The following SPATA7 variants were observed in gnomAD, a reference collection of about 807,000 sequenced individuals.
SPATA7 encodes spermatogenesis associated 7.
Under a neutral mutation model 51.8 loss-of-function variants are expected in SPATA7, and 43 were observed. The observed-to-expected ratio is 0.83, with a 90% CI of 0.65 to 1.07. The LOEUF is 1.07. Ranked by LOEUF, SPATA7 falls within the 50% of genes least tolerant of loss-of-function variation. The probability of loss-of-function intolerance (pLI) is 0.00; values close to 1 mark genes in which losing one functional copy is unlikely to be tolerated. For missense variants in SPATA7, 683 were observed against 701.3 expected (o/e 0.97, Z 0.30); for synonymous variants, 230 against 252.8 (o/e 0.91, Z 0.86).
At chr14:88,454,317 G>A (rs142050273) in intron 3 of SPATA7, among the ~76,000 whole-genome samples, 221 of 152,124 alleles carry the variant, frequency 1.5e-3, no homozygotes, top group African/African-American at 5.1e-3. Flanking sequence ...CTTTACTAAA[G>A]ACCCTGGTGA....
intron 4 of SPATA7, among the ~76,000 whole-genome samples, chr14:88,397,078 C>G (rs1169068549): frequency 6.6e-6 from 1 of 151,996 alleles, no homozygotes; most frequent in Non-Finnish European, 1.5e-5. Context: ...TACATAGAGA[C>G]AGGGTTTTAC....
At chr14:88,462,308 G>A (rs2077322824) in intron 4 of SPATA7, among the ~76,000 whole-genome samples, 1 of 152,132 alleles carries the variant, frequency 6.6e-6, no homozygotes, top group Non-Finnish European at 1.5e-5. Flanking sequence ...CAGCTGATGA[G>A]CAGACAGAAA....
At chr14:88,454,989 C>A (rs1303281266) in intron 3 of SPATA7, 3 of 438,112 alleles carry the variant, frequency 6.8e-6, no homozygotes, top group Non-Finnish European at 1.4e-5. Context: ...ATTTCTGGGC[C>A]CCATCCCCAT....
At chr14:88,398,789 A>G (rs2075972343) in intron 4 of SPATA7, among the ~76,000 whole-genome samples, 1 of 152,176 alleles carries the variant, frequency 6.6e-6, no homozygotes, top group Non-Finnish European at 1.5e-5. Flanking sequence ...GCAGTGGCTC[A>G]TGCCTGTAAT....
intron 3 of SPATA7, 37 bp from the exon 4 acceptor site, chr14:88,396,119 C>T (rs563947621): frequency 1.3e-6 from 2 of 1,524,528 alleles, no homozygotes; most frequent in African/African-American, 1.4e-5. Context: ...TTTATAAATA[C>T]TGACAATATT....
chr14:88,404,746 T>TA (rs1262111710), intron 4 of SPATA7, among the ~76,000 whole-genome samples: 2 of 152,130 alleles, frequency 1.3e-5, no homozygotes, highest in Non-Finnish European at 2.9e-5. Flanking sequence ...ATCACAAATT[T>TA]AAAATGGTCA....
chr14:88,411,856 G>A (rs777728350), intron 4 of SPATA7, among the ~76,000 whole-genome samples: 2 of 152,086 alleles, frequency 1.3e-5, no homozygotes, highest in Admixed American at 1.3e-4. Flanking sequence ...TTTTTGGGGG[G>A]GGTTTATACA....
chr14:88,470,340 G>T, exon 5 of SPATA7: 1 of 380,930 alleles, frequency 2.6e-6, no homozygotes, highest in Non-Finnish European at 4.8e-6. Context: ...TAAAGATACT[G>T]CCTACCGTCA....
At chr14:88,393,295 G>T in intron 2 of SPATA7, 98 bp from the exon 3 acceptor site, 1 of 861,310 alleles carries the variant, frequency 1.2e-6, no homozygotes, top group South Asian at 1.6e-5. Flanking sequence ...TTGAATTTCA[G>T]AACATTTTAT....
At chr14:88,401,836 C>CAAAAA (rs57942112) in intron 4 of SPATA7, among the ~76,000 whole-genome samples, 1 of 33,220 alleles carries the variant, frequency 3.0e-5, no homozygotes, top group Non-Finnish European at 5.8e-5. Flanking sequence ...GACCCTGTCT[C>CAAAAA]AAAAAAAAAA....
chr14:88,419,801 C>A (rs1294453625), intron 5 of SPATA7, among the ~76,000 whole-genome samples: 1 of 151,816 alleles, frequency 6.6e-6, no homozygotes, highest in East Asian at 1.9e-4. Context: ...CTGTGATAAT[C>A]ATTGTCTTTT....
chr14:88,403,321 A>G (rs907459275), intron 4 of SPATA7, among the ~76,000 whole-genome samples: 1 of 152,234 alleles, frequency 6.6e-6, no homozygotes, highest in Non-Finnish European at 1.5e-5. Flanking sequence ...ACTTCTGAAT[A>G]TATATCCAAA....
Position 88,469,875 on chromosome 14 carries a change from T to A in SPATA7, c.*8T>A. 6.2e-7 allele frequency: 1 copy of A among 1,612,172 alleles called. No individual in the cohort carries two copies. On this transcript the variant is annotated 3_prime_UTR_variant, in exon 5 of 5. Coordinates refer to the SPATA7 transcript ENST00000556406. The surrounding 1 kb of genome is among the most constrained non-coding windows in gnomAD (Gnocchi z 4.3). ...AGGATTCCAGATGATTAACATTAAC[T>A]GTTCTTCAGAGGCTGAGAAAATCAC...
intron 8 of SPATA7, 130 bp downstream of exon 8, chr14:88,429,593 A>G (rs893600532): frequency 1.8e-6 from 1 of 553,698 alleles, no homozygotes; most frequent in Non-Finnish European, 3.2e-6. Context: ...ATGTAATTCA[A>G]TAACAGTTTT....
At chr14:88,449,271 G>C (rs1270327462) in intron 3 of SPATA7, among the ~76,000 whole-genome samples, 1 of 152,058 alleles carries the variant, frequency 6.6e-6, no homozygotes, top group South Asian at 2.1e-4. Flanking sequence ...GATAGTTTGT[G>C]TCACTACTAT....
intron 10 of SPATA7, among the ~76,000 whole-genome samples, chr14:88,437,101 T>G (rs1767380007): frequency 6.6e-6 from 1 of 151,976 alleles, no homozygotes; most frequent in South Asian, 2.1e-4. Flanking sequence ...CCTTTTCCAT[T>G]TTGTTCATTG....
chr14:88,437,288 G>C (rs1185350674), intron 10 of SPATA7, among the ~76,000 whole-genome samples: 1 of 151,702 alleles, frequency 6.6e-6, no homozygotes, highest in Non-Finnish European at 1.5e-5. Context: ...CAGCTTTTTG[G>C]TGGTGGGGTG....
At chr14:88,391,276 T>C (rs1461059820) in intron 1 of SPATA7, 105 bp from the exon 2 acceptor site, 6 of 1,015,798 alleles carry the variant, frequency 5.9e-6, no homozygotes, top group Non-Finnish European at 8.7e-6. Flanking sequence ...AGGAAAGAAA[T>C]TATTTTGTGA....
chr14:88,469,227 G>T lies in SPATA7; in HGVS notation c.255-620G>T. 1 of 850,722 alleles carries T rather than the reference G, an allele frequency of 1.2e-6. No homozygotes were observed. The highest frequency in any genetic ancestry group is 1.8e-6 in the Non-Finnish European group (1 of 560,318). 52.7% of individuals were successfully genotyped at this position (850,722 alleles called of 1,614,324 possible). A position where few individuals can be genotyped will look rare whatever the true frequency, so the allele number is the denominator to read the frequency against. On this transcript the variant is annotated intron_variant, in intron 4 of 4. Transcript: ENST00000556406. This position sits in a 1 kb window ranked among gnomAD's most constrained non-coding sequence, Gnocchi z 4.3. ...CCAAACCCAACCACAAAGGGACAGT[G>T]TGACCCTGAGCAAGTCACTACCTCT... is the stretch of plus-strand genomic sequence containing the variant.
Sources: gnomAD v4.1 joint callset for allele counts (sites outside exome capture counted in the v4.1 genomes callset) on GRCh38, gnomAD v4.1.1 for gene constraint, Gnocchi (gnomAD v3.1) non-coding constraint, MANE v1.5 for transcripts, NCBI Gene and HGNC (gene_info 2026-07-23, HGNC 2026-07-21) for gene names.